The following ADCY8 variants were observed in gnomAD, a reference collection of about 807,000 sequenced individuals.
ADCY8 encodes the protein adenylate cyclase type 8.
In ADCY8, 51 loss-of-function variants were observed where a neutral mutation model predicts 119.7. The observed-to-expected ratio is 0.43, with a 90% CI of 0.34 to 0.54. The LOEUF is 0.54. Among genes scored for constraint, ADCY8 ranks in the 20% least tolerant of loss-of-function variants. The probability of loss-of-function intolerance (pLI) is 0.03; values close to 1 mark genes in which losing one functional copy is unlikely to be tolerated. For missense variants in ADCY8, 1,383 were observed against 1,598.8 expected (o/e 0.87, Z 2.30); for synonymous variants, 665 against 651.0 (o/e 1.02, Z -0.33).
At chr8:130,883,015 G>A (rs1818837605) in intron 8 of ADCY8, among the ~76,000 whole-genome samples, 1 of 152,116 alleles carries the variant, frequency 6.6e-6, no homozygotes, top group South Asian at 2.1e-4. Context: ...TTTGTTCAGG[G>A]TGCTGTACTC....
At chr8:131,004,624 T>G (rs1050246336) in intron 1 of ADCY8, among the ~76,000 whole-genome samples, 1 of 152,236 alleles carries the variant, frequency 6.6e-6, no homozygotes, top group Admixed American at 6.5e-5. Context: ...GTGCTGCTTC[T>G]TATTCATCTG....
At chr8:130,990,806 T>G (rs1048722081) in intron 1 of ADCY8, 1 of 271,028 alleles carries the variant, frequency 3.7e-6, no homozygotes, top group Non-Finnish European at 6.9e-6. Context: ...AAACCTGCTG[T>G]GAAAAAGAGG....
At chr8:130,960,735 G>A (rs979814261) in intron 2 of ADCY8, among the ~76,000 whole-genome samples, 10 of 152,146 alleles carry the variant, frequency 6.6e-5, no homozygotes, top group Middle Eastern at 3.4e-3. Flanking sequence ...TCAAGCAGGG[G>A]AAAGGGGAGA....
At chr8:130,960,040 A>G (rs187336449) in intron 2 of ADCY8, among the ~76,000 whole-genome samples, 5 of 152,330 alleles carry the variant, frequency 3.3e-5, no homozygotes, top group Non-Finnish European at 5.9e-5. Context: ...AGAGGGAAGG[A>G]AGAATGAAAG....
chr8:130,951,735 A>G lies in ADCY8; in HGVS notation c.1241+133T>C, dbSNP rs1821276927. 3 of 1,024,726 alleles carry G rather than the reference A, an allele frequency of 2.9e-6. No individual in the cohort carries two copies. In the South Asian group the frequency reaches 5.4e-5, roughly 18 times the overall value. The allele number at this position is 1,024,726 out of a possible 1,614,324, so 63.5% of individuals were successfully genotyped here. On this transcript the variant is annotated intron_variant, in intron 3 of 17. Coordinates refer to ENST00000286355, the MANE Select transcript of ADCY8 (RefSeq NM_001115.3). Reference sequence around the variant, plus strand: ...TAGAACTCTCTGATGAATAATCACTAGGTAATGAATTAATCAACCAGATGA... The same window carrying G: ...TAGAACTCTCTGATGAATAATCACTGGGTAATGAATTAATCAACCAGATGA...
At chr8:130,931,876 G>A (rs1415913151) in intron 5 of ADCY8, among the ~76,000 whole-genome samples, 1 of 151,548 alleles carries the variant, frequency 6.6e-6, no homozygotes, top group East Asian at 1.9e-4. Context: ...TTTTCTTCAT[G>A]TTTGCTGGGA....
chr8:130,999,490 A>C (rs753230010), intron 1 of ADCY8, among the ~76,000 whole-genome samples: 1 of 152,046 alleles, frequency 6.6e-6, no homozygotes, highest in Non-Finnish European at 1.5e-5. Flanking sequence ...TTAAGGGCCT[A>C]ACTCCCCAGA....
intron 1 of ADCY8, among the ~76,000 whole-genome samples, chr8:131,017,727 G>A (rs1413491582): frequency 6.6e-6 from 1 of 151,976 alleles, no homozygotes; most frequent in Admixed American, 6.6e-5. Context: ...AGCAATCACT[G>A]CATCTTTGGT....
rs535567616 is a variant in ADCY8 at position 131,015,383 on chromosome 8, G to A, written c.960+23991C>T. 5.3e-5 allele frequency among the ~76,000 whole-genome samples: 8 copies of A among 152,124 alleles called. 1 individual carries two copies. The South Asian group carries it at 1.0e-3, about 20-fold the overall frequency. ...GTATCTCTGATGAGGTTATATTTAC[G>A]CAGAGACCCCAAATGGTGAGCGCAC... On this transcript the variant is annotated intron_variant, in intron 1 of 17. Coordinates refer to ENST00000286355, the MANE Select transcript of ADCY8 (RefSeq NM_001115.3).
At chr8:130,932,637 C>T (rs1820665030) in intron 5 of ADCY8, among the ~76,000 whole-genome samples, 1 of 152,142 alleles carries the variant, frequency 6.6e-6, no homozygotes, top group Admixed American at 6.5e-5. Flanking sequence ...ATTATGACAT[C>T]TCACCTGATT....
At chr8:130,945,730 T>G (rs1821087870) in intron 3 of ADCY8, among the ~76,000 whole-genome samples, 1 of 152,252 alleles carries the variant, frequency 6.6e-6, no homozygotes, top group South Asian at 2.1e-4. Flanking sequence ...TTCATTTGAT[T>G]ATGTATTACT....
chr8:130,921,030 CTG>C (rs1270175081), intron 5 of ADCY8, among the ~76,000 whole-genome samples: 1 of 152,230 alleles, frequency 6.6e-6, no homozygotes, highest in Non-Finnish European at 1.5e-5. Flanking sequence ...CCTGTTGGTT[CTG>C]TTTCTCCAGA....
chr8:130,927,434 C>T (rs182881970), intron 5 of ADCY8, among the ~76,000 whole-genome samples: 2 of 152,198 alleles, frequency 1.3e-5, no homozygotes, highest in Non-Finnish European at 2.9e-5. Flanking sequence ...ATTTTAAAAT[C>T]AGGTGATTGA....
chr8:130,882,796 G>A (rs1262788701), intron 8 of ADCY8, among the ~76,000 whole-genome samples: 1 of 152,100 alleles, frequency 6.6e-6, no homozygotes, highest in African/African-American at 2.4e-5. Context: ...TATATTCTCT[G>A]CTCAGCAGTA....
chr8:130,821,071 C>A (rs927359543), intron 13 of ADCY8, among the ~76,000 whole-genome samples: 2 of 152,124 alleles, frequency 1.3e-5, no homozygotes, highest in Non-Finnish European at 2.9e-5. Flanking sequence ...TGGGAGGGAT[C>A]CCAGTTTGTC....
chr8:131,033,061 C>G (rs1459633618), intron 1 of ADCY8, among the ~76,000 whole-genome samples: 1 of 152,182 alleles, frequency 6.6e-6, no homozygotes, highest in Non-Finnish European at 1.5e-5. Context: ...GTCAAGTGAA[C>G]TGCTATGTTG....
chr8:130,908,850 CTTG>C (rs1247206680), intron 6 of ADCY8, among the ~76,000 whole-genome samples: 1 of 152,150 alleles, frequency 6.6e-6, no homozygotes, highest in African/African-American at 2.4e-5. Context: ...GATTCCACCT[CTTG>C]TTGTCTGTTT....
chr8:130,857,147 C>G (rs753888706), intron 9 of ADCY8, among the ~76,000 whole-genome samples: 1 of 150,962 alleles, frequency 6.6e-6, no homozygotes. Flanking sequence ...TGCTAAATGA[C>G]GAGTTAATGG....
chr8:131,017,726 T>C (rs534911616), intron 1 of ADCY8, among the ~76,000 whole-genome samples: 232 of 152,230 alleles, frequency 1.5e-3, no homozygotes, highest in African/African-American at 5.5e-3. Flanking sequence ...TAGCAATCAC[T>C]GCATCTTTGG....
Sources: allele counts gnomAD v4.1 joint callset (sites outside exome capture counted in the v4.1 genomes callset), GRCh38; gene constraint gnomAD v4.1.1; transcripts MANE v1.5; gene names NCBI Gene and HGNC (gene_info 2026-07-23, HGNC 2026-07-21).